Variants in EYS observed in about 807,000 individuals in gnomAD.
The protein encoded by EYS is EGF-like photoreceptor maintenance factor.
EYS carries 250 observed loss-of-function variants against 282.1 expected under a neutral mutation model. That is an observed-to-expected ratio of 0.89 (90% CI 0.80 to 0.98). The LOEUF (loss-of-function observed/expected upper bound fraction) is 0.98. EYS is among the 50% of genes least tolerant of loss of function. EYS has a pLI of 0.00. For synonymous variants in EYS, 1,355 were observed against 1,282.9 expected, an observed-to-expected ratio of 1.06 and a Z score of -1.20; for missense variants, 4,016 against 3,709.0, an observed-to-expected ratio of 1.08 and a Z score of -2.15.
At chr6:64,308,295 A>C in intron 29 of EYS, among the ~76,000 whole-genome samples, 1 of 152,110 alleles carries the variant, frequency 6.6e-6, no homozygotes, top group South Asian at 2.1e-4. Flanking sequence ...AAGAACAAGA[A>C]GAGAAGTACA....
At chr6:64,335,088 A>G (rs1770790618) in intron 29 of EYS, among the ~76,000 whole-genome samples, 1 of 152,112 alleles carries the variant, frequency 6.6e-6, no homozygotes, top group African/African-American at 2.4e-5. Context: ...TACCCACTCA[A>G]GAAGAAATAG....
chr6:65,290,813 C>A lies in EYS; in HGVS notation c.2023+5050G>T, dbSNP rs9445503. Among the ~76,000 whole-genome samples the A allele has an allele frequency of 8.4e-3, 1,265 of 151,258 alleles. 17 individuals carry two copies. Among genetic ancestry groups the A allele is most frequent in the African/African-American group, 0.029 (1,202 of 41,406 alleles). Reference sequence around the variant, plus strand: ...GCTGTTGTGCTAAATTATTACTTCCCCTTCTATTTCTATTTAATGTGTTTT... The same window carrying A: ...GCTGTTGTGCTAAATTATTACTTCCACTTCTATTTCTATTTAATGTGTTTT... On this transcript the variant is annotated intron_variant, in intron 12 of 42. Coordinates refer to ENST00000503581, the MANE Select transcript of EYS (RefSeq NM_001142800.2).
chr6:64,318,430 C>G (rs1252267713), intron 29 of EYS, among the ~76,000 whole-genome samples: 1 of 151,840 alleles, frequency 6.6e-6, no homozygotes, highest in Non-Finnish European at 1.5e-5. Flanking sequence ...AGAGGGCATT[C>G]GATGTGATAA....
At chr6:64,640,659 T>C (rs1444558765) in intron 22 of EYS, among the ~76,000 whole-genome samples, 1 of 152,050 alleles carries the variant, frequency 6.6e-6, no homozygotes, top group African/African-American at 2.4e-5. Context: ...GCATGGCACA[T>C]GTATACATAT....
At chr6:64,550,439 T>C (rs1169666678) in intron 26 of EYS, among the ~76,000 whole-genome samples, 2 of 152,174 alleles carry the variant, frequency 1.3e-5, no homozygotes, top group Non-Finnish European at 2.9e-5. Flanking sequence ...CTAACTGATA[T>C]GAGATGGTAT....
intron 12 of EYS, among the ~76,000 whole-genome samples, chr6:65,281,206 A>G (rs1768212111): frequency 6.6e-6 from 1 of 151,838 alleles, no homozygotes; most frequent in Non-Finnish European, 1.5e-5. Flanking sequence ...TAAGTTAACA[A>G]TCACTTATAT....
chr6:63,754,327 C>T (rs1215977296), intron 41 of EYS, among the ~76,000 whole-genome samples: 3 of 151,966 alleles, frequency 2.0e-5, no homozygotes, highest in Admixed American at 6.6e-5. Flanking sequence ...TTTCTCTGAA[C>T]ACTATCCCTC....
chr6:65,532,091 A>C (rs1046649156), intron 2 of EYS, among the ~76,000 whole-genome samples: 24 of 152,138 alleles, frequency 1.6e-4, no homozygotes, highest in African/African-American at 5.5e-4. Context: ...AAAATGTATA[A>C]AAATGAAATA....
chr6:64,558,552 A>AC (rs1486011746), intron 26 of EYS, among the ~76,000 whole-genome samples: 1 of 152,126 alleles, frequency 6.6e-6, no homozygotes, highest in African/African-American at 2.4e-5. Context: ...AACAACAACA[A>AC]AAAAAACACA....
Position 63,720,682 on chromosome 6 carries a change from A to T in EYS, c.9349T>A (p.Phe3117Ile). Reference protein sequence around the residue: ...NFVGKIKDVVFFQEPKNIELI... With the variant: ...NFVGKIKDVVIFQEPKNIELI... Reference sequence around the variant, plus strand: ...TCAATGTTTTTTGGTTCCTGAAAAAATACAACATCTTTAATTTTGCCAACA... The same window carrying T: ...TCAATGTTTTTTGGTTCCTGAAAAATTACAACATCTTTAATTTTGCCAACA... The change falls in exon 43 of 43, where the codon TTT becomes ATT. Residue 3117 changes from phenylalanine (F) to isoleucine (I), a missense_variant. Physicochemically the swap from Phe to Ile is conservative, Grantham distance 21 (BLOSUM62 0). Coordinates refer to ENST00000503581, the MANE Select transcript of EYS (RefSeq NM_001142800.2). 1 of 1,547,318 alleles carries T rather than the reference A, an allele frequency of 6.5e-7. No homozygotes were observed. The highest frequency in any genetic ancestry group is 2.5e-5 in the East Asian group (1 of 40,794).
At chr6:65,175,004 A>G (rs890925635) in intron 12 of EYS, among the ~76,000 whole-genome samples, 1 of 151,228 alleles carries the variant, frequency 6.6e-6, no homozygotes, top group Admixed American at 6.6e-5. Context: ...CTCCTTATAT[A>G]GTATCATTCA....
chr6:64,659,646 T>TA (rs1285756520), intron 22 of EYS, among the ~76,000 whole-genome samples: 1 of 152,078 alleles, frequency 6.6e-6, no homozygotes, highest in Non-Finnish European at 1.5e-5. Flanking sequence ...AATAAATATA[T>TA]AAATTCCTTG....
chr6:65,687,552 T>A (rs990342940), intron 1 of EYS, among the ~76,000 whole-genome samples: 4 of 152,140 alleles, frequency 2.6e-5, no homozygotes, highest in Admixed American at 6.6e-5. Flanking sequence ...TCACCACTCC[T>A]ATTCAACATA....
At chr6:63,780,458 T>C (rs1290022498) in intron 39 of EYS, among the ~76,000 whole-genome samples, 1 of 152,240 alleles carries the variant, frequency 6.6e-6, no homozygotes, top group Admixed American at 6.5e-5. Flanking sequence ...TGTGAGATGG[T>C]ATCTCATTGT....
chr6:64,822,100 C>A (rs13198898), intron 20 of EYS, among the ~76,000 whole-genome samples: 2 of 152,000 alleles, frequency 1.3e-5, no homozygotes, highest in African/African-American at 2.4e-5. Context: ...AGAAAACTAA[C>A]GTGGAAGCAA....
chr6:64,592,955 C>G (rs1341405605), intron 25 of EYS, among the ~76,000 whole-genome samples, 162 bp downstream of exon 25: 1 of 151,752 alleles, frequency 6.6e-6, no homozygotes, highest in Non-Finnish European at 1.5e-5. Context: ...TTGTTTAAAA[C>G]AAAACTTAAA....
intron 12 of EYS, among the ~76,000 whole-genome samples, chr6:65,201,297 T>A (rs1765894328): frequency 6.6e-6 from 1 of 152,214 alleles, no homozygotes; most frequent in African/African-American, 2.4e-5. Flanking sequence ...TTAACATAAA[T>A]GAATAAATGT....
At chr6:65,165,287 TG>T (rs1487380759) in intron 12 of EYS, among the ~76,000 whole-genome samples, 2 of 144,576 alleles carry the variant, frequency 1.4e-5, no homozygotes, top group Non-Finnish European at 3.0e-5. Context: ...AAGTTTTCTT[TG>T]TTTTTTTTTT....
At chr6:63,790,155 T>C (rs970785476) in intron 37 of EYS, among the ~76,000 whole-genome samples, 1 of 152,212 alleles carries the variant, frequency 6.6e-6, no homozygotes, top group Non-Finnish European at 1.5e-5. Flanking sequence ...GAGAAAAAGC[T>C]GAATTGAGTC....
Sources: allele counts gnomAD v4.1 joint callset (sites outside exome capture counted in the v4.1 genomes callset), GRCh38; gene constraint gnomAD v4.1.1; transcripts MANE v1.5; gene names NCBI Gene and HGNC (gene_info 2026-07-23, HGNC 2026-07-21).